Variants in DNAH10 observed in about 807,000 individuals in gnomAD.
The protein encoded by DNAH10 is axonemal beta dynein heavy chain 10.
A neutral mutation model predicts 506.6 loss-of-function variants in DNAH10; 348 were observed. That is an observed-to-expected ratio of 0.69 (90% CI 0.63 to 0.75). The LOEUF (loss-of-function observed/expected upper bound fraction) is 0.75, where lower values mean the gene tolerates loss of function less well. Ranked by LOEUF, DNAH10 falls within the 30% of genes least tolerant of loss-of-function variation. DNAH10 has a pLI of 0.00. For synonymous variants in DNAH10, 2,059 were observed against 2,198.6 expected, an observed-to-expected ratio of 0.94 and a Z score of 1.78; for missense variants, 5,179 against 5,787.1, an observed-to-expected ratio of 0.89 and a Z score of 3.41.
At chr12:123,810,791 G>A (rs1461502755) in intron 19 of DNAH10, among the ~76,000 whole-genome samples, 2 of 152,164 alleles carry the variant, frequency 1.3e-5, no homozygotes, top group African/African-American at 2.4e-5. Flanking sequence ...TATAGGTGCT[G>A]TATGTTATAG....
At position 123,785,753 on chromosome 12, in the gene DNAH10, C is replaced by T. The variant is rs144167895; in HGVS notation, c.1238C>T (p.Thr413Met). Reference protein sequence around the residue: ...STVERYFKNITHGSGFHVVLD... With the variant: ...STVERYFKNIMHGSGFHVVLD... ...CTCTCCTCTCTTGGTCAGAACATAA[C>T]GCACGGGTCTGGCTTCCACGTGGTC... Residue 413 changes from threonine to methionine, a missense_variant, in exon 9 of 79, where the codon ACG becomes ATG. Transcript: ENST00000673944. The surrounding 1 kb of genome is among the most constrained non-coding windows in gnomAD (Gnocchi z 4.1). 49 of 1,609,748 alleles carry T rather than the reference C, an allele frequency of 3.0e-5. 1 individual carries two copies. The Middle Eastern group carries it at 5.0e-4, about 16-fold the overall frequency.
chr12:123,819,408 TAA>T (rs376254652), intron 23 of DNAH10, among the ~76,000 whole-genome samples, 158 bp downstream of exon 23: 170 of 143,016 alleles, frequency 1.2e-3, no homozygotes, highest in African/African-American at 3.3e-3. Context: ...GTGGTCACAT[TAA>T]AAAAAAAAAA....
intron 51 of DNAH10, among the ~76,000 whole-genome samples, chr12:123,886,777 C>T (rs545518724): frequency 6.6e-6 from 1 of 152,202 alleles, no homozygotes; most frequent in African/African-American, 2.4e-5. Flanking sequence ...AACTTATGTC[C>T]TTATTCACAT....
At chr12:123,870,300 G>T in intron 43 of DNAH10, 66 bp from the exon 44 acceptor site, 1 of 1,560,906 alleles carries the variant, frequency 6.4e-7, no homozygotes. Flanking sequence ...TTTCAAGCAT[G>T]TGCCAGAACT....
intron 51 of DNAH10, among the ~76,000 whole-genome samples, chr12:123,885,970 C>T (rs1952709306): frequency 6.6e-6 from 1 of 152,172 alleles, no homozygotes; most frequent in South Asian, 2.1e-4. Context: ...ATGAATCCAG[C>T]TTCCAAAATT....
chr12:123,768,978 G>T (rs1307604905), intron 2 of DNAH10, among the ~76,000 whole-genome samples: 1 of 152,030 alleles, frequency 6.6e-6, no homozygotes, highest in Non-Finnish European at 1.5e-5. Context: ...GGCTCAGGCA[G>T]TTCTCCCACC....
chr12:123,830,515 C>G (rs1232021021), intron 25 of DNAH10, 31 bp from the exon 26 acceptor site: 1 of 1,597,124 alleles, frequency 6.3e-7, no homozygotes, highest in Non-Finnish European at 8.5e-7. Flanking sequence ...ATTCAGTAAG[C>G]ATAAAGATTT....
In DNAH10 at chr12:123,853,809, TGCACGCACACAC is replaced by T. The variant is rs369816243; in HGVS notation, c.6438+470_6438+481del. ...TTTCTCTAGTGACTGTACTCAATGTTGCACGCACACACGCACGCACACACACGCACACGCACG... is the reference window on the plus strand; with the variant it reads ...TTTCTCTAGTGACTGTACTCAATGTTGCACGCACACACACGCACACGCACG... On this transcript the variant is annotated intron_variant, in intron 36 of 78. Coordinates refer to ENST00000673944, the MANE Select transcript of DNAH10 (RefSeq NM_001372106.1). This position sits in a 1 kb window ranked among gnomAD's most constrained non-coding sequence, Gnocchi z 4.7. Among the ~76,000 whole-genome samples the T allele has an allele frequency of 1.3e-5, 2 of 152,036 alleles. No homozygotes were observed. Among genetic ancestry groups the T allele is most frequent in the African/African-American group, 4.8e-5 (2 of 41,380 alleles).
In DNAH10 at chr12:123,909,539, C is replaced by G. The variant is rs777891533; in HGVS notation, c.9997+97C>G. ...GGAGGGCAAGGAGGCTTGTCGTGGG[C>G]AGGCCCTCCCCTTCTGGTCAGATGG... On this transcript the variant is annotated intron_variant, in intron 58 of 78. Transcript: ENST00000673944. The surrounding 1 kb of genome is among the most constrained non-coding windows in gnomAD (Gnocchi z 5.4). The G allele has an allele frequency of 5.0e-6, 7 of 1,407,360 alleles. No individual in the cohort carries two copies. In the African/African-American group the frequency reaches 8.7e-5, roughly 17 times the overall value. The allele number at this position is 1,407,360 out of a possible 1,614,324, so 87.2% of individuals were successfully genotyped here.
chr12:123,874,119 C>T (rs1433349312), intron 46 of DNAH10, among the ~76,000 whole-genome samples: 1 of 152,170 alleles, frequency 6.6e-6, no homozygotes, highest in African/African-American at 2.4e-5. Flanking sequence ...ACTTCAGCTG[C>T]ATTATGAGTA....
At chr12:123,891,204 C>T (rs1952967449) in intron 52 of DNAH10, among the ~76,000 whole-genome samples, 2 of 152,100 alleles carry the variant, frequency 1.3e-5, no homozygotes, top group African/African-American at 4.8e-5. Context: ...GTCACGTGGC[C>T]TTCCCCTTGT....
intron 54 of DNAH10, among the ~76,000 whole-genome samples, chr12:123,896,551 G>A (rs2137220956): frequency 6.6e-6 from 1 of 152,182 alleles, no homozygotes; most frequent in South Asian, 2.1e-4. Context: ...AACCGAATAA[G>A]CCCACCCAGT....
rs775327971 is a variant in DNAH10, at chr12:123,930,415, G to A, written c.12626G>A (p.Gly4209Glu). The A allele has an allele frequency of 3.2e-6, 5 of 1,584,684 alleles. No homozygotes were observed. The South Asian group carries it at 5.8e-5, about 18-fold the overall frequency. ...KYLIGEVMYGGRAIDSFDRRI... is the reference protein window; with the variant it reads ...KYLIGEVMYGERAIDSFDRRI... The stretch of plus-strand genomic sequence containing the variant: ...CTCTAATTTCAGGTCATGTATGGAG[G>A]ACGGGCCATCGACAGCTTTGATCGC... The change falls in exon 73 of 79, where the codon GGA (glycine) becomes GAA (glutamate). Residue 4209 changes from glycine to glutamate, a missense_variant. By Grantham distance (98) the Gly-to-Glu change is moderately conservative. This residue lies in a region of DNAH10 where 4,844 missense variants were observed against 5,430.5 expected (regional missense o/e 0.89). Coordinates refer to ENST00000673944, the MANE Select transcript of DNAH10 (RefSeq NM_001372106.1).
chr12:123,931,277 T>C, intron 73 of DNAH10, 64 bp from the exon 74 acceptor site: 2 of 1,595,040 alleles, frequency 1.3e-6, no homozygotes, highest in Non-Finnish European at 1.7e-6. Flanking sequence ...ACTTTGAGGC[T>C]GTGGGCCCTG....
intron 13 of DNAH10, among the ~76,000 whole-genome samples, chr12:123,798,192 C>T (rs1415171062): frequency 2.0e-5 from 3 of 152,160 alleles, no homozygotes; most frequent in African/African-American, 4.8e-5. Context: ...TGCCAGTCAA[C>T]CTAGATTTCA....
In DNAH10 at chr12:123,857,280, T is replaced by C. The variant is rs939574311; in HGVS notation, c.6630+33T>C. ...CAGGAAAATGACCTCACTGTGGCCGTGCATCCTTTCCATTGGCTTTTTGTT... is the reference window on the plus strand; with the variant it reads ...CAGGAAAATGACCTCACTGTGGCCGCGCATCCTTTCCATTGGCTTTTTGTT... On this transcript the variant is annotated intron_variant, in intron 37 of 78. Transcript: ENST00000673944. 4 of 1,489,474 alleles carry C rather than the reference T, an allele frequency of 2.7e-6. No homozygotes were observed. The African/African-American group carries it at 5.7e-5, about 21-fold the overall frequency. 92.3% of individuals were successfully genotyped at this position (1,489,474 alleles called of 1,614,324 possible).
rs1003689456 is a variant in DNAH10, at chr12:123,934,292, T to C, written c.13478-329T>C. 1.7e-5 allele frequency: 12 copies of C among 691,028 alleles called. No individual in the cohort carries two copies. In the Admixed American group the frequency reaches 2.4e-4, roughly 14 times the overall value. 42.8% of individuals were successfully genotyped at this position (691,028 alleles called of 1,614,324 possible). A position where few individuals can be genotyped will look rare whatever the true frequency, so the allele number is the denominator to read the frequency against. On this transcript the variant is annotated intron_variant, in intron 77 of 78. Transcript: ENST00000673944. ...GGTGCCCATTCTGACTCTGGGACCATGCATCTTTCTAGCCTGGGGGCCCAG... is the reference window on the plus strand; with the variant it reads ...GGTGCCCATTCTGACTCTGGGACCACGCATCTTTCTAGCCTGGGGGCCCAG...
chr12:123,773,719 C>T (rs560416626), intron 4 of DNAH10, among the ~76,000 whole-genome samples: 18 of 152,204 alleles, frequency 1.2e-4, no homozygotes, highest in Non-Finnish European at 1.9e-4. Flanking sequence ...CGTGAGACTC[C>T]ACCCTCATGA....
chr12:123,919,260 A>C lies in DNAH10; in HGVS notation c.11506+311A>C, dbSNP rs1345339676. ...AGCTAAGTTTTTGTATATTTTGTAG[A>C]GATGGGGTTTCACTATGTTGCCCAG... On this transcript the variant is annotated intron_variant, in intron 65 of 78. Coordinates refer to ENST00000673944, the MANE Select transcript of DNAH10 (RefSeq NM_001372106.1). The surrounding 1 kb of genome is among the most constrained non-coding windows in gnomAD (Gnocchi z 4.9). Among the ~76,000 whole-genome samples, 2 of 151,888 alleles carry C rather than the reference A, an allele frequency of 1.3e-5. No homozygotes were observed. The highest frequency in any genetic ancestry group is 2.9e-5 in the Non-Finnish European group (2 of 67,996).
Sources: gnomAD v4.1 joint callset for allele counts (sites outside exome capture counted in the v4.1 genomes callset) on GRCh38, gnomAD v4.1.1 for gene constraint, gnomAD v4.1.1 regional missense constraint, Gnocchi (gnomAD v3.1) non-coding constraint, MANE v1.5 for transcripts, NCBI Gene and HGNC (gene_info 2026-07-23, HGNC 2026-07-21) for gene names.